Variants in SEC14L4 observed in about 807,000 individuals in gnomAD.
SEC14L4 encodes the protein SEC14 like lipid binding 4, also known as SEC14-like protein 4.
In SEC14L4, 42 loss-of-function variants were observed where a neutral mutation model predicts 55.1. The observed-to-expected ratio is 0.76, with a 90% CI of 0.60 to 0.99. The LOEUF (loss-of-function observed/expected upper bound fraction) is 0.99, where lower values mean the gene tolerates loss of function less well. Ranked by LOEUF, SEC14L4 falls within the 50% of genes least tolerant of loss-of-function variation. The pLI is 0.00. For synonymous variants in SEC14L4, 206 were observed against 206.8 expected, an observed-to-expected ratio of 1.00 and a Z score of 0.03; for missense variants, 445 against 512.1, an observed-to-expected ratio of 0.87 and a Z score of 1.27.
At chr22:30,498,225 C>A (rs1262530712) in intron 2 of SEC14L4, among the ~76,000 whole-genome samples, 4 of 149,536 alleles carry the variant, frequency 2.7e-5, no homozygotes, top group African/African-American at 9.9e-5. Context: ...CAGGTCCAGG[C>A]AATTCTCATG....
intron 7 of SEC14L4, among the ~76,000 whole-genome samples, chr22:30,493,671 A>G (rs1601844999): frequency 6.6e-6 from 1 of 152,208 alleles, no homozygotes; most frequent in South Asian, 2.1e-4. Context: ...GATTTTGTAT[A>G]TTACAAAAAT....
chr22:30,488,924 C>T lies in SEC14L4; in HGVS notation c.*1183G>A, dbSNP rs1935865999. The T allele has an allele frequency of 7.0e-6, 1 of 141,922 alleles. No homozygotes were observed. Among genetic ancestry groups the T allele is most frequent in the Admixed American group, 7.2e-5 (1 of 13,982 alleles). 8.8% of individuals were successfully genotyped at this position (141,922 alleles called of 1,614,324 possible). A position where few individuals can be genotyped will look rare whatever the true frequency, so the allele number is the denominator to read the frequency against. ...TTTTTTTTTTTTTTGCCAATCTGCT[C>T]AAACACCCAGTTGGAACAGGAATGC... is the stretch of plus-strand genomic sequence containing the variant. On this transcript the variant is annotated 3_prime_UTR_variant, in exon 12 of 12. Coordinates refer to ENST00000255858, the MANE Select transcript of SEC14L4 (RefSeq NM_174977.4).
chr22:30,504,047 ATATTATTAT>A (rs3067219), intron 1 of SEC14L4, among the ~76,000 whole-genome samples: 30 of 143,890 alleles, frequency 2.1e-4, no homozygotes, highest in Middle Eastern at 3.6e-3. Context: ...TATTATTTTT[ATATTATTAT>A]TATTATTATT....
At chr22:30,500,947 G>A (rs1038297344) in intron 2 of SEC14L4, among the ~76,000 whole-genome samples, 6 of 151,406 alleles carry the variant, frequency 4.0e-5, no homozygotes, top group East Asian at 1.9e-4. Flanking sequence ...TGTAATCCCC[G>A]CACTTTGAGA....
chr22:30,490,785 C>T (rs1333483700), intron 11 of SEC14L4, among the ~76,000 whole-genome samples: 2 of 152,140 alleles, frequency 1.3e-5, no homozygotes, highest in East Asian at 1.9e-4. Flanking sequence ...GATCTTTCAG[C>T]GGTCACAGAG....
At chr22:30,497,605 GA>G (rs1342670145) in intron 2 of SEC14L4, among the ~76,000 whole-genome samples, 1 of 151,672 alleles carries the variant, frequency 6.6e-6, no homozygotes, top group African/African-American at 2.4e-5. Flanking sequence ...CATTACCACA[GA>G]AGACATTACC....
chr22:30,501,844 C>CATATATATATAT (rs1568949238), intron 2 of SEC14L4, among the ~76,000 whole-genome samples: 17 of 50,258 alleles, frequency 3.4e-4, no homozygotes, highest in Non-Finnish European at 4.9e-4. Flanking sequence ...CACACACACG[C>CATATATATATAT]ACATATATAT....
At position 30,494,908 on chromosome 22, in the gene SEC14L4, GCT is replaced by G; in HGVS notation, c.475_476del (p.Ser159ProfsTer17). Reference protein sequence around the residue: ...ALMVFDMEGLSLKHLWKPAVE... With the variant: ...ALMVFDMEGLXLKHLWKPAVE... ...CAGCTGGCTTCCACAGGTGTTTCAG[GCT>G]CAGCCCCTCCATGTCAAACACCATC... On this transcript the variant is annotated frameshift_variant, in exon 6 of 12. Transcript: ENST00000255858. LOFTEE classifies it high-confidence loss of function. The G allele has an allele frequency of 6.2e-7, 1 of 1,613,586 alleles. No homozygotes were observed. Among genetic ancestry groups the G allele is most frequent in the Middle Eastern group, 1.7e-4 (1 of 6,060 alleles).
intron 2 of SEC14L4, among the ~76,000 whole-genome samples, chr22:30,501,261 TG>T (rs1180099426): frequency 1.3e-5 from 2 of 152,102 alleles, no homozygotes; most frequent in Non-Finnish European, 2.9e-5. Flanking sequence ...CCATCACCCA[TG>T]GCATGAGGTG....
At position 30,495,449 on chromosome 22, in the gene SEC14L4, G is replaced by A; in HGVS notation, c.235-7C>T. The A allele has an allele frequency of 6.2e-7, 1 of 1,612,926 alleles. No homozygotes were observed. The highest frequency in any genetic ancestry group is 1.3e-5 in the African/African-American group (1 of 75,058). Reference sequence around the variant, plus strand: ...AGTCATACAGCTGGATGACCTGGAAGTGTGGGTAAGGTCCCGACTCAATCC... The same window carrying A: ...AGTCATACAGCTGGATGACCTGGAAATGTGGGTAAGGTCCCGACTCAATCC... On this transcript the variant is annotated splice_polypyrimidine_tract_variant and splice_region_variant and intron_variant, in intron 4 of 11. Transcript: ENST00000255858.
At chr22:30,500,190 C>T (rs781083383) in intron 2 of SEC14L4, among the ~76,000 whole-genome samples, 4 of 151,958 alleles carry the variant, frequency 2.6e-5, no homozygotes, top group East Asian at 1.9e-4. Flanking sequence ...AAAACTCTGG[C>T]GGAATTCATC....
Position 30,503,623 on chromosome 22 carries a change from A to G in SEC14L4, c.130+54T>C, listed in dbSNP as rs1936399926. Reference sequence around the variant, plus strand: ...CTCAAAGTCTCCCACTCCTCTCCTGAGACCCTCCTTCCTTCCCTCCCTTTC... The same window carrying G: ...CTCAAAGTCTCCCACTCCTCTCCTGGGACCCTCCTTCCTTCCCTCCCTTTC... On this transcript the variant is annotated intron_variant, in intron 2 of 11. Transcript: ENST00000255858. The G allele has an allele frequency of 5.3e-6, 7 of 1,329,194 alleles. No homozygotes were observed. In the East Asian group the frequency reaches 7.0e-5, roughly 13 times the overall value. 82.3% of individuals were successfully genotyped at this position (1,329,194 alleles called of 1,614,324 possible).
At chr22:30,496,566 C>G (rs546578514) in intron 2 of SEC14L4, among the ~76,000 whole-genome samples, 1 of 152,188 alleles carries the variant, frequency 6.6e-6, no homozygotes, top group South Asian at 2.1e-4. Flanking sequence ...GAGACACCCC[C>G]CCCCACCACC....
chr22:30,503,847 A>T lies in SEC14L4; in HGVS notation c.55-95T>A, dbSNP rs1358031718. The T allele has an allele frequency of 3.3e-6, 3 of 904,332 alleles. No individual in the cohort carries two copies. In the East Asian group the frequency reaches 7.9e-5, roughly 24 times the overall value. The allele number at this position is 904,332 out of a possible 1,614,324, so 56.0% of individuals were successfully genotyped here. A position where few individuals can be genotyped will look rare whatever the true frequency, so the allele number is the denominator to read the frequency against. On this transcript the variant is annotated intron_variant, in intron 1 of 11. Coordinates refer to ENST00000255858, the MANE Select transcript of SEC14L4 (RefSeq NM_174977.4). ...CCCTTCCCACATCATCCACCAGTCA[A>T]CTCCACCAGAAGACCATGCAGGGTG...
chr22:30,489,229 A>ATTTGTTTGTTTG lies in SEC14L4; in HGVS notation c.*866_*877dup, dbSNP rs71198557. The stretch of plus-strand genomic sequence containing the variant: ...TCTCCATGTCCAATGTTCTTTCTTT[A>ATTTGTTTGTTTG]TTTGTTTGTTTGTTTGTTTGTTTGT... On this transcript the variant is annotated 3_prime_UTR_variant, in exon 12 of 12. Coordinates refer to ENST00000255858, the MANE Select transcript of SEC14L4 (RefSeq NM_174977.4). 1.6e-3 allele frequency: 241 copies of ATTTGTTTGTTTG among 151,786 alleles called. 6 individuals are homozygous for ATTTGTTTGTTTG. The highest frequency in any genetic ancestry group is 0.012 in the South Asian group (59 of 4,796). 9.4% of individuals were successfully genotyped at this position (151,786 alleles called of 1,614,324 possible).
At chr22:30,496,562 C>T (rs570417343) in intron 2 of SEC14L4, among the ~76,000 whole-genome samples, 5 of 139,714 alleles carry the variant, frequency 3.6e-5, no homozygotes, top group Admixed American at 1.4e-4. Context: ...AGCAGAGACA[C>T]CCCCCCCCAC....
In SEC14L4 at chr22:30,500,836, C is replaced by G. The variant is rs190868396; in HGVS notation, c.130+2841G>C. Among the ~76,000 whole-genome samples the G allele has an allele frequency of 4.7e-3, 653 of 140,338 alleles. 14 individuals carry two copies. The highest frequency in any genetic ancestry group is 0.017 in the African/African-American group (621 of 36,916). The allele number at this position is 140,338 out of a possible 152,430, so 92.1% of individuals were successfully genotyped here. On this transcript the variant is annotated intron_variant, in intron 2 of 11. Coordinates refer to ENST00000255858, the MANE Select transcript of SEC14L4 (RefSeq NM_174977.4). ...GGGGACCAGGGCAGGCACATCCCTGCCCTGATGGAACTGGCATCAGATGAA... is the reference window on the plus strand; with the variant it reads ...GGGGACCAGGGCAGGCACATCCCTGGCCTGATGGAACTGGCATCAGATGAA...
At chr22:30,497,261 C>G (rs184437141) in intron 2 of SEC14L4, among the ~76,000 whole-genome samples, 1 of 152,130 alleles carries the variant, frequency 6.6e-6, no homozygotes, top group South Asian at 2.1e-4. Flanking sequence ...ATTGCTTGAA[C>G]CCAGGAGGCA....
Position 30,488,959 on chromosome 22 carries a change from C to T in SEC14L4, c.*1148G>A, listed in dbSNP as rs1005515382. 1 of 149,924 alleles carries T rather than the reference C, an allele frequency of 6.7e-6. No individual in the cohort carries two copies. The highest frequency in any genetic ancestry group is 2.5e-5 in the African/African-American group (1 of 40,344). 9.3% of individuals were successfully genotyped at this position (149,924 alleles called of 1,614,324 possible). On this transcript the variant is annotated 3_prime_UTR_variant, in exon 12 of 12. Transcript: ENST00000255858. ...GTTGGAACAGGAATGCCTCGTGGCA[C>T]TGGCTTTAGGAGTTTAATCTAGATG...
Sources: gnomAD v4.1 joint callset for allele counts (sites outside exome capture counted in the v4.1 genomes callset) on GRCh38, gnomAD v4.1.1 for gene constraint, MANE v1.5 for transcripts, NCBI Gene and HGNC (gene_info 2026-07-23, HGNC 2026-07-21) for gene names.